Variants in GPC5 observed in about 807,000 individuals in gnomAD.
GPC5 encodes glypican-5.
GPC5 carries 47 observed loss-of-function variants against 53.9 expected under a neutral mutation model. That is an observed-to-expected ratio of 0.87 (90% confidence interval 0.69 to 1.11). The LOEUF (loss-of-function observed/expected upper bound fraction) is 1.11, where lower values mean the gene tolerates loss of function less well. Among genes scored for constraint, GPC5 ranks in the 50% most tolerant of loss-of-function variants. The pLI, the probability that GPC5 is intolerant of heterozygous loss-of-function variation, is 0.00. For synonymous variants in GPC5, 286 were observed against 263.3 expected, an observed-to-expected ratio of 1.09 and a Z score of -0.84; for missense variants, 748 against 713.1, an observed-to-expected ratio of 1.05 and a Z score of -0.56.
rs148226423 is a variant in GPC5, at chr13:92,356,251, G to C, written c.1561+211262G>C. 3.5e-4 allele frequency among the ~76,000 whole-genome samples: 53 copies of C among 152,252 alleles called. 1 individual carries two copies. The East Asian group carries it at 0.01, about 29-fold the overall frequency. On this transcript the variant is annotated intron_variant, in intron 7 of 7. Transcript: ENST00000377067. ...AAATAGCAAGGTGTCCAGGGTGGCG[G>C]GAGAGGAATGAACCAGAGAAAGAGA...
intron 7 of GPC5, among the ~76,000 whole-genome samples, chr13:92,744,370 A>G (rs1889190097): frequency 6.6e-6 from 1 of 152,088 alleles, no homozygotes; most frequent in South Asian, 2.1e-4. Context: ...ATAGAAGGTA[A>G]TCACTGGACT....
chr13:92,266,715 G>A (rs1489312203), intron 7 of GPC5, among the ~76,000 whole-genome samples: 1 of 152,140 alleles, frequency 6.6e-6, no homozygotes, highest in Non-Finnish European at 1.5e-5. Flanking sequence ...AGCATCTTAA[G>A]TTTCAAATAT....
intron 5 of GPC5, among the ~76,000 whole-genome samples, chr13:91,893,770 T>C (rs1158229938): frequency 6.6e-6 from 1 of 151,880 alleles, no homozygotes; most frequent in Non-Finnish European, 1.5e-5. Flanking sequence ...CCCTACCTCC[T>C]TTTTTTTCAT....
At chr13:92,336,471 C>A (rs577062906) in intron 7 of GPC5, among the ~76,000 whole-genome samples, 9 of 152,054 alleles carry the variant, frequency 5.9e-5, no homozygotes, top group Non-Finnish European at 1.2e-4. Flanking sequence ...AACATGTTAG[C>A]TAAGTGCTTA....
intron 7 of GPC5, among the ~76,000 whole-genome samples, chr13:92,435,541 A>G (rs1468016611): frequency 1.3e-5 from 2 of 152,206 alleles, no homozygotes; most frequent in East Asian, 1.9e-4. Context: ...AGGTACTGAC[A>G]TCCTGTGGGA....
intron 2 of GPC5, among the ~76,000 whole-genome samples, chr13:91,666,006 G>A (rs1382316455): frequency 6.6e-6 from 1 of 152,206 alleles, no homozygotes; most frequent in East Asian, 1.9e-4. Flanking sequence ...TGTTATGTAA[G>A]TGACTTCTTT....
At chr13:92,550,619 A>C (rs1345824374) in intron 7 of GPC5, among the ~76,000 whole-genome samples, 1 of 151,802 alleles carries the variant, frequency 6.6e-6, no homozygotes, top group Non-Finnish European at 1.5e-5. Flanking sequence ...GGTATTAAAA[A>C]ACTTGTTTGG....
chr13:91,580,514 G>A (rs2032320571), intron 2 of GPC5, among the ~76,000 whole-genome samples: 1 of 152,068 alleles, frequency 6.6e-6, no homozygotes, highest in Admixed American at 6.6e-5. Context: ...CTGAGATCTA[G>A]CCAAAAGTAT....
intron 5 of GPC5, among the ~76,000 whole-genome samples, chr13:91,815,688 G>A (rs747089294): frequency 6.6e-6 from 1 of 152,112 alleles, no homozygotes; most frequent in Non-Finnish European, 1.5e-5. Context: ...CACACCCTGC[G>A]TGAGACCCAA....
chr13:91,911,298 C>A (rs2039607910), intron 6 of GPC5, among the ~76,000 whole-genome samples: 1 of 152,196 alleles, frequency 6.6e-6, no homozygotes, highest in Non-Finnish European at 1.5e-5. Context: ...AATCTCAGCA[C>A]TTTGGGAGGC....
chr13:91,410,732 C>G lies in GPC5; in HGVS notation c.163+11523C>G, dbSNP rs140706833. ...GGTATTAATCCTGTACTCTTAGGAA[C>G]ATAGTCCATGTTTTCATTATTTAAT... On this transcript the variant is annotated intron_variant, in intron 1 of 7. Coordinates refer to ENST00000377067, the MANE Select transcript of GPC5 (RefSeq NM_004466.6). 1.2e-3 allele frequency among the ~76,000 whole-genome samples: 183 copies of G among 152,306 alleles called. 1 individual carries two copies. The highest frequency in any genetic ancestry group is 2.2e-3 in the Non-Finnish European group (148 of 68,028).
intron 7 of GPC5, among the ~76,000 whole-genome samples, chr13:92,354,812 G>A (rs561526654): frequency 4.6e-5 from 7 of 152,160 alleles, no homozygotes; most frequent in East Asian, 1.9e-4. Context: ...AGAGGTCCTA[G>A]CCTGAAAATA....
intron 7 of GPC5, among the ~76,000 whole-genome samples, chr13:92,634,973 TTAAAATATTTTACTGTTAACATATTA>T (rs994810591): frequency 6.6e-6 from 1 of 151,882 alleles, no homozygotes; most frequent in African/African-American, 2.4e-5. Flanking sequence ...TTTTTCCATT[TTAAAATATTTTACTGTTAACATATTA>T]TAAAATATTT....
intron 5 of GPC5, among the ~76,000 whole-genome samples, chr13:91,899,638 A>G (rs1047939376): frequency 2.0e-5 from 3 of 152,138 alleles, no homozygotes; most frequent in Non-Finnish European, 4.4e-5. Context: ...AATTAACTCA[A>G]GGATTGAGAT....
intron 2 of GPC5, among the ~76,000 whole-genome samples, chr13:91,536,433 T>TA (rs1472038148): frequency 6.6e-6 from 1 of 152,184 alleles, no homozygotes; most frequent in Non-Finnish European, 1.5e-5. Flanking sequence ...TCTAGTCTCT[T>TA]AAAGTCTTAT....
At chr13:91,554,289 TACAC>T (rs1393536316) in intron 2 of GPC5, among the ~76,000 whole-genome samples, 1 of 151,338 alleles carries the variant, frequency 6.6e-6, no homozygotes, top group African/African-American at 2.4e-5. Context: ...CAGAGACACA[TACAC>T]AGACTCACAG....
intron 7 of GPC5, among the ~76,000 whole-genome samples, chr13:92,356,160 A>G (rs1211256422): frequency 1.3e-5 from 2 of 152,106 alleles, no homozygotes; most frequent in East Asian, 1.9e-4. Flanking sequence ...AATTTAATTT[A>G]TTTGTTTGTT....
chr13:92,165,810 A>T (rs1265603689), intron 7 of GPC5, among the ~76,000 whole-genome samples: 1 of 152,226 alleles, frequency 6.6e-6, no homozygotes, highest in Non-Finnish European at 1.5e-5. Context: ...TTCTGGATAT[A>T]TCCATGTATT....
chr13:92,630,404 T>C (rs1457607595), intron 7 of GPC5, among the ~76,000 whole-genome samples: 1 of 152,196 alleles, frequency 6.6e-6, no homozygotes, highest in Non-Finnish European at 1.5e-5. Flanking sequence ...AAACTATTCT[T>C]ATTAGCACAT....
Sources: gnomAD v4.1 joint callset for allele counts (sites outside exome capture counted in the v4.1 genomes callset) on GRCh38, gnomAD v4.1.1 for gene constraint, MANE v1.5 for transcripts, NCBI Gene and HGNC (gene_info 2026-07-23, HGNC 2026-07-21) for gene names.